The following CDK6 variants were observed in gnomAD, a reference collection of about 807,000 sequenced individuals.
CDK6 encodes cyclin dependent kinase 6.
Under a neutral mutation model 37.1 loss-of-function variants are expected in CDK6, and 6 were observed. The ratio of observed to expected loss-of-function variants is 0.16; its 90% confidence interval spans 0.09 to 0.32. The LOEUF (loss-of-function observed/expected upper bound fraction) is 0.32. CDK6 is among the 10% of genes least tolerant of loss of function. The pLI, the probability that CDK6 is intolerant of heterozygous loss-of-function variation, is 1.00. For synonymous variants in CDK6, 160 were observed against 161.3 expected, an observed-to-expected ratio of 0.99 and a Z score of 0.06; for missense variants, 224 against 418.9, an observed-to-expected ratio of 0.53 and a Z score of 4.06.
At chr7:92,694,928 C>T (rs989934892) in intron 4 of CDK6, among the ~76,000 whole-genome samples, 1 of 151,740 alleles carries the variant, frequency 6.6e-6, no homozygotes, top group African/African-American at 2.4e-5. Flanking sequence ...TAGAAATTAC[C>T]AAAGAGAAAA....
At chr7:92,788,675 T>G (rs945511966) in intron 2 of CDK6, among the ~76,000 whole-genome samples, 12 of 152,166 alleles carry the variant, frequency 7.9e-5, no homozygotes, top group African/African-American at 2.9e-4. Flanking sequence ...ACATTGTAAT[T>G]AAACTATGAA....
chr7:92,723,596 G>A (rs1798417835), intron 4 of CDK6, among the ~76,000 whole-genome samples: 1 of 151,914 alleles, frequency 6.6e-6, no homozygotes. Flanking sequence ...AAAAGAGTGG[G>A]GAAATTTTAA....
At chr7:92,766,442 A>C (rs561088073) in intron 3 of CDK6, among the ~76,000 whole-genome samples, 74 of 152,330 alleles carry the variant, frequency 4.9e-4, no homozygotes, top group African/African-American at 1.5e-3. Context: ...TGAGTTTGGC[A>C]GAGGATTCTC....
intron 2 of CDK6, among the ~76,000 whole-genome samples, chr7:92,823,024 C>T (rs1019616347): frequency 6.6e-6 from 1 of 150,384 alleles, no homozygotes; most frequent in Non-Finnish European, 1.5e-5. Context: ...CTTTCAGATA[C>T]ATAAATACAA....
intron 4 of CDK6, among the ~76,000 whole-genome samples, chr7:92,723,198 A>C (rs1053712802): frequency 6.6e-6 from 1 of 152,166 alleles, no homozygotes; most frequent in African/African-American, 2.4e-5. Flanking sequence ...AAACAAAAAA[A>C]CCCAAAATAT....
chr7:92,680,579 G>C lies in CDK6; in HGVS notation c.538-9044C>G, dbSNP rs545929906. ...AAAAAATGTCTGAGGTCAATACAAA[G>C]ATGAGAGTCTCACAGCAGGGAGCGC... On this transcript the variant is annotated intron_variant, in intron 4 of 7. Transcript: ENST00000424848. Among the ~76,000 whole-genome samples, 230 of 150,620 alleles carry C rather than the reference G, an allele frequency of 1.5e-3. 1 individual carries two copies. The highest frequency in any genetic ancestry group is 5.0e-3 in the African/African-American group (207 of 40,998).
At chr7:92,824,992 A>G (rs553664718) in intron 2 of CDK6, among the ~76,000 whole-genome samples, 1 of 152,240 alleles carries the variant, frequency 6.6e-6, no homozygotes, top group African/African-American at 2.4e-5. Context: ...CATTTGAAAA[A>G]CTTATTATGG....
intron 5 of CDK6, among the ~76,000 whole-genome samples, chr7:92,646,517 C>A: frequency 6.6e-6 from 1 of 151,952 alleles, no homozygotes; most frequent in East Asian, 1.9e-4. Flanking sequence ...CCTGCCTCAG[C>A]CTCCCGAGTA....
chr7:92,736,023 G>C (rs756185078), intron 3 of CDK6, among the ~76,000 whole-genome samples: 1 of 152,106 alleles, frequency 6.6e-6, no homozygotes, highest in Non-Finnish European at 1.5e-5. Context: ...AAAGAGCACT[G>C]GGTTTTGAGC....
In CDK6 at chr7:92,833,768, C is replaced by T; in HGVS notation, c.-367-78G>A. The T allele has an allele frequency of 2.5e-6, 1 of 407,860 alleles. No individual in the cohort carries two copies. The highest frequency in any genetic ancestry group is 3.6e-5 in the East Asian group (1 of 28,136). 25.3% of individuals were successfully genotyped at this position (407,860 alleles called of 1,614,324 possible). On this transcript the variant is annotated intron_variant, in intron 1 of 7. Transcript: ENST00000424848. This position sits in a 1 kb window ranked among gnomAD's most constrained non-coding sequence, Gnocchi z 6.1. ...GCCTTCCTCGGGGTTCCTCCAGACTCCCCTCCTCCTCCTTTACGAAGCCTC... is the reference window on the plus strand; with the variant it reads ...GCCTTCCTCGGGGTTCCTCCAGACTTCCCTCCTCCTCCTTTACGAAGCCTC...
At chr7:92,814,329 A>C (rs186518328) in intron 2 of CDK6, among the ~76,000 whole-genome samples, 1 of 152,304 alleles carries the variant, frequency 6.6e-6, no homozygotes, top group Non-Finnish European at 1.5e-5. Flanking sequence ...GGAATGTGGA[A>C]TAAATAGGGG....
intron 5 of CDK6, among the ~76,000 whole-genome samples, chr7:92,623,407 G>A (rs992789743): frequency 6.6e-6 from 1 of 152,098 alleles, no homozygotes; most frequent in South Asian, 2.1e-4. Context: ...TCGTGATAAG[G>A]TGGAACATAC....
chr7:92,719,482 T>C (rs1412909734), intron 4 of CDK6, among the ~76,000 whole-genome samples: 1 of 152,192 alleles, frequency 6.6e-6, no homozygotes, highest in Non-Finnish European at 1.5e-5. Context: ...ATAAAGGGTG[T>C]TTTCAGAACA....
At chr7:92,627,459 C>T (rs186513645) in intron 5 of CDK6, among the ~76,000 whole-genome samples, 84 of 152,106 alleles carry the variant, frequency 5.5e-4, no homozygotes, top group East Asian at 3.5e-3. Flanking sequence ...CTGGAAGGCT[C>T]CCTTGTCCCT....
At chr7:92,747,324 TCTC>T (rs1206507541) in intron 3 of CDK6, among the ~76,000 whole-genome samples, 4 of 152,112 alleles carry the variant, frequency 2.6e-5, no homozygotes, top group Non-Finnish European at 4.4e-5. Context: ...CTTTGACTGA[TCTC>T]CTGTTGTAAT....
At chr7:92,713,190 A>G (rs1197387287) in intron 4 of CDK6, among the ~76,000 whole-genome samples, 3 of 152,198 alleles carry the variant, frequency 2.0e-5, no homozygotes, top group Non-Finnish European at 4.4e-5. Flanking sequence ...ACAATGGGCT[A>G]TCTGTGGCTT....
At chr7:92,665,181 C>T (rs1214137892) in intron 5 of CDK6, among the ~76,000 whole-genome samples, 2 of 152,146 alleles carry the variant, frequency 1.3e-5, no homozygotes, top group Non-Finnish European at 2.9e-5. Context: ...ACTAGGATTA[C>T]AAGGCAACCA....
chr7:92,761,193 A>G (rs539696949), intron 3 of CDK6, among the ~76,000 whole-genome samples: 6 of 152,184 alleles, frequency 3.9e-5, no homozygotes, highest in Admixed American at 3.9e-4. Context: ...TTCCTTTGCG[A>G]TATTTTCTAC....
chr7:92,827,841 T>C (rs559310982), intron 2 of CDK6, among the ~76,000 whole-genome samples: 1 of 152,262 alleles, frequency 6.6e-6, no homozygotes, highest in South Asian at 2.1e-4. Context: ...GAGCAACTCA[T>C]CTGAACCTCA....
Sources: allele counts gnomAD v4.1 joint callset (sites outside exome capture counted in the v4.1 genomes callset), GRCh38; gene constraint gnomAD v4.1.1; non-coding constraint Gnocchi (gnomAD v3.1); transcripts MANE v1.5; gene names NCBI Gene and HGNC (gene_info 2026-07-23, HGNC 2026-07-21).